The following EPC2 variants were observed in gnomAD, a reference collection of about 807,000 sequenced individuals.
The protein encoded by EPC2 is enhancer of polycomb 2.
A neutral mutation model predicts 92.1 loss-of-function variants in EPC2; 14 were observed. The ratio of observed to expected loss-of-function variants is 0.15; its 90% CI spans 0.10 to 0.24. The LOEUF (loss-of-function observed/expected upper bound fraction) is 0.24. Ranked by LOEUF, EPC2 falls within the 10% of genes least tolerant of loss-of-function variation. The pLI is 1.00. For missense variants in EPC2, 755 were observed against 971.5 expected (o/e 0.78, Z 2.96); for synonymous variants, 340 against 334.7 (o/e 1.02, Z -0.17).
At chr2:148,767,655 A>G (rs1306231359) in intron 7 of EPC2, among the ~76,000 whole-genome samples, 1 of 152,210 alleles carries the variant, frequency 6.6e-6, no homozygotes, top group Admixed American at 6.5e-5. Context: ...GAGCCTTAAG[A>G]GAACAAACAT....
rs1418324443 is a variant in EPC2, at chr2:148,783,594, T to C, written c.1858-3T>C. ...AGAGTGTTTAACTTTGTTCATTTTA[T>C]AGGGCTCAAGCACCTCTGACTGTAT... On this transcript the variant is annotated splice_polypyrimidine_tract_variant and splice_region_variant and intron_variant, in intron 11 of 13. Transcript: ENST00000258484. 6.2e-7 allele frequency: 1 copy of C among 1,602,298 alleles called. No individual in the cohort carries two copies.
chr2:148,702,809 TA>T (rs1342969963), intron 2 of EPC2, among the ~76,000 whole-genome samples: 1 of 150,994 alleles, frequency 6.6e-6, no homozygotes, highest in Non-Finnish European at 1.5e-5. Flanking sequence ...TAAACTTTCT[TA>T]AAACACTATG....
chr2:148,782,148 G>A (rs1683761992), intron 11 of EPC2, among the ~76,000 whole-genome samples: 1 of 152,184 alleles, frequency 6.6e-6, no homozygotes, highest in Non-Finnish European at 1.5e-5. Context: ...TTAAGTGCAT[G>A]TGGATGTGCT....
intron 2 of EPC2, among the ~76,000 whole-genome samples, chr2:148,743,006 AATCT>A (rs1682908538): frequency 6.6e-6 from 1 of 152,140 alleles, no homozygotes; most frequent in South Asian, 2.1e-4. Flanking sequence ...TAGTCAAATC[AATCT>A]ATTTTTAATC....
At chr2:148,657,833 C>T (rs1680836752) in intron 1 of EPC2, among the ~76,000 whole-genome samples, 1 of 151,944 alleles carries the variant, frequency 6.6e-6, no homozygotes, top group South Asian at 2.1e-4. Flanking sequence ...GGCTTCTTTC[C>T]TTGTGGTCTA....
At chr2:148,683,035 C>CT (rs958761613) in intron 1 of EPC2, among the ~76,000 whole-genome samples, 6 of 150,136 alleles carry the variant, frequency 4.0e-5, no homozygotes, top group African/African-American at 1.2e-4. Flanking sequence ...ATTAACACTG[C>CT]TTTTTTTTTC....
chr2:148,732,543 G>A (rs1375753152), intron 2 of EPC2, among the ~76,000 whole-genome samples: 1 of 152,066 alleles, frequency 6.6e-6, no homozygotes, highest in African/African-American at 2.4e-5. Flanking sequence ...ACTGTGCCCG[G>A]CTAATTTTTG....
chr2:148,666,288 G>A (rs572094405), intron 1 of EPC2, among the ~76,000 whole-genome samples: 10 of 152,198 alleles, frequency 6.6e-5, no homozygotes, highest in Admixed American at 6.5e-4. Context: ...TTACAGCCAT[G>A]CTTCACCATG....
chr2:148,684,017 A>G (rs1681463415), intron 1 of EPC2, among the ~76,000 whole-genome samples: 1 of 152,194 alleles, frequency 6.6e-6, no homozygotes, highest in Non-Finnish European at 1.5e-5. Context: ...CATCCACACC[A>G]ACATCATTAC....
intron 2 of EPC2, among the ~76,000 whole-genome samples, chr2:148,718,672 T>G (rs1682304460): frequency 6.6e-6 from 1 of 152,164 alleles, no homozygotes; most frequent in Non-Finnish European, 1.5e-5. Context: ...TCTGAGCATT[T>G]TTTCTTTCAT....
intron 2 of EPC2, among the ~76,000 whole-genome samples, chr2:148,729,123 G>GATAACTGT (rs1388998202): frequency 5.4e-5 from 8 of 147,906 alleles, no homozygotes; most frequent in Non-Finnish European, 1.0e-4. Flanking sequence ...ATGGATAACT[G>GATAACTGT]TGAACAAATA....
intron 1 of EPC2, among the ~76,000 whole-genome samples, chr2:148,659,635 C>T (rs1360659932): frequency 1.3e-5 from 2 of 152,104 alleles, no homozygotes; most frequent in South Asian, 2.1e-4. Context: ...CTTGTAATCC[C>T]AGCCTTTTGG....
intron 1 of EPC2, among the ~76,000 whole-genome samples, chr2:148,674,487 C>G (rs999360802): frequency 6.6e-6 from 1 of 152,208 alleles, no homozygotes; most frequent in Non-Finnish European, 1.5e-5. Context: ...TTTGCCTCAT[C>G]ACACCAAGTT....
intron 2 of EPC2, among the ~76,000 whole-genome samples, chr2:148,691,329 T>A (rs914394437): frequency 1.3e-5 from 2 of 152,200 alleles, no homozygotes; most frequent in Non-Finnish European, 2.9e-5. Flanking sequence ...GATAGCTTGT[T>A]AAAATAGAGA....
chr2:148,742,345 G>A (rs1031612114), intron 2 of EPC2, among the ~76,000 whole-genome samples: 1 of 152,198 alleles, frequency 6.6e-6, no homozygotes, highest in African/African-American at 2.4e-5. Context: ...TCTTTCTAGA[G>A]TAGCATATTA....
chr2:148,715,174 C>CA (rs1190742212), intron 2 of EPC2, among the ~76,000 whole-genome samples: 1 of 151,990 alleles, frequency 6.6e-6, no homozygotes, highest in Admixed American at 6.6e-5. Context: ...GCTGGGACTA[C>CA]AGGCACGTGC....
Position 148,786,456 on chromosome 2 carries a change from G to GCAC in EPC2, c.*79_*80insCAC. 1 of 1,125,738 alleles carries GCAC rather than the reference G, an allele frequency of 8.9e-7. No homozygotes were observed. Among genetic ancestry groups the GCAC allele is most frequent in the Non-Finnish European group, 1.3e-6 (1 of 758,534 alleles). The allele number at this position is 1,125,738 out of a possible 1,614,324, so 69.7% of individuals were successfully genotyped here. ...AGCTGAATGCAAAAGGCAACACTCT[G>GCAC]TGGATCACAGAGTGTAACAATGGAC... is the stretch of plus-strand genomic sequence containing the variant. On this transcript the variant is annotated 3_prime_UTR_variant, in exon 14 of 14. Transcript: ENST00000258484.
chr2:148,709,218 A>G (rs1181781924), intron 2 of EPC2, among the ~76,000 whole-genome samples: 1 of 152,248 alleles, frequency 6.6e-6, no homozygotes, highest in Non-Finnish European at 1.5e-5. Context: ...AACAGAGGCC[A>G]AATCATGAGG....
At chr2:148,755,456 A>G (rs905409730) in intron 4 of EPC2, among the ~76,000 whole-genome samples, 11 of 151,960 alleles carry the variant, frequency 7.2e-5, no homozygotes, top group Admixed American at 2.0e-4. Context: ...TTCATTTTCA[A>G]CCCTTAAATA....
Sources: gnomAD v4.1 joint callset for allele counts (sites outside exome capture counted in the v4.1 genomes callset) on GRCh38, gnomAD v4.1.1 for gene constraint, MANE v1.5 for transcripts, NCBI Gene and HGNC (gene_info 2026-07-23, HGNC 2026-07-21) for gene names.